Variants in SGCZ observed in about 807,000 individuals in gnomAD.
The protein encoded by SGCZ is zeta-sarcoglycan.
In SGCZ, 40 loss-of-function variants were observed where a neutral mutation model predicts 41.3. That is an observed-to-expected ratio of 0.97 (90% confidence interval 0.75 to 1.26). SGCZ has a LOEUF of 1.26. Ranked by LOEUF, SGCZ falls within the 50% of genes most tolerant of loss-of-function variation. The pLI, the probability that SGCZ is intolerant of heterozygous loss-of-function variation, is 0.00. For missense variants in SGCZ, 552 were observed against 369.8 expected, an observed-to-expected ratio of 1.49 and a Z score of -4.04; for synonymous variants, 206 against 137.5, an observed-to-expected ratio of 1.50 and a Z score of -3.49.
chr8:15,122,345 AC>A (rs1382536842), intron 1 of SGCZ, among the ~76,000 whole-genome samples: 1 of 152,148 alleles, frequency 6.6e-6, no homozygotes, highest in Non-Finnish European at 1.5e-5. Context: ...AGACTTAGAA[AC>A]AGTGCAATTT....
At chr8:14,689,833 T>C (rs1406294874) in intron 1 of SGCZ, among the ~76,000 whole-genome samples, 5 of 152,130 alleles carry the variant, frequency 3.3e-5, no homozygotes, top group Non-Finnish European at 5.9e-5. Flanking sequence ...CCTGGCTTTG[T>C]TAGATTGAGC....
At chr8:15,138,856 G>C (rs935489600) in intron 1 of SGCZ, among the ~76,000 whole-genome samples, 1 of 152,128 alleles carries the variant, frequency 6.6e-6, no homozygotes, top group Non-Finnish European at 1.5e-5. Flanking sequence ...CCAAAAGGAA[G>C]ACTTGCTGAA....
At chr8:14,556,224 A>T (rs1041227295) in intron 1 of SGCZ, among the ~76,000 whole-genome samples, 13 of 151,824 alleles carry the variant, frequency 8.6e-5, no homozygotes, top group Non-Finnish European at 1.5e-4. Context: ...CTATAAGACA[A>T]TAATTGTTCA....
intron 1 of SGCZ, among the ~76,000 whole-genome samples, chr8:14,612,113 G>A (rs1050901358): frequency 1.3e-5 from 2 of 152,186 alleles, no homozygotes; most frequent in Non-Finnish European, 2.9e-5. Flanking sequence ...ATGCAAAAGT[G>A]AGGCTTTTCT....
intron 2 of SGCZ, among the ~76,000 whole-genome samples, chr8:14,442,869 G>A (rs1190661980): frequency 6.6e-6 from 1 of 151,992 alleles, no homozygotes; most frequent in South Asian, 2.1e-4. Flanking sequence ...TAATCTTAAT[G>A]AAGCCTGTTT....
At chr8:14,637,869 G>C (rs1383165600) in intron 1 of SGCZ, among the ~76,000 whole-genome samples, 1 of 151,782 alleles carries the variant, frequency 6.6e-6, no homozygotes, top group African/African-American at 2.4e-5. Context: ...TGGTAGCTTT[G>C]TTTTAAGTCC....
At chr8:14,236,292 A>G (rs1050347948) in intron 4 of SGCZ, among the ~76,000 whole-genome samples, 3 of 152,166 alleles carry the variant, frequency 2.0e-5, no homozygotes, top group African/African-American at 7.2e-5. Context: ...CTATATCTCT[A>G]ATTATCACAA....
intron 3 of SGCZ, among the ~76,000 whole-genome samples, chr8:14,323,544 A>G (rs1388503705): frequency 6.6e-6 from 1 of 152,116 alleles, no homozygotes; most frequent in African/African-American, 2.4e-5. Context: ...AATCTAAGCT[A>G]CAATCTTAAT....
At chr8:14,405,132 A>G (rs914307008) in intron 2 of SGCZ, among the ~76,000 whole-genome samples, 2 of 152,160 alleles carry the variant, frequency 1.3e-5, no homozygotes, top group Non-Finnish European at 2.9e-5. Flanking sequence ...GCTGACTGTG[A>G]GTGTTCACTT....
intron 1 of SGCZ, among the ~76,000 whole-genome samples, chr8:14,696,961 GT>G (rs560133680): frequency 1.4e-3 from 175 of 123,166 alleles, no homozygotes; most frequent in African/African-American, 7.4e-3. Context: ...TGTTGATAAA[GT>G]TAAAAAAAAA....
chr8:14,970,800 T>C (rs1801267121), intron 1 of SGCZ, among the ~76,000 whole-genome samples: 1 of 152,284 alleles, frequency 6.6e-6, no homozygotes, highest in East Asian at 1.9e-4. Context: ...CATTTCTATA[T>C]GAATTTGTGT....
chr8:14,283,416 C>T (rs1800517234), intron 3 of SGCZ, among the ~76,000 whole-genome samples: 1 of 152,128 alleles, frequency 6.6e-6, no homozygotes, highest in African/African-American at 2.4e-5. Flanking sequence ...TAATGTTTCT[C>T]GTTCAACAAA....
intron 1 of SGCZ, among the ~76,000 whole-genome samples, chr8:14,995,206 T>C (rs1350816727): frequency 6.6e-6 from 1 of 152,260 alleles, no homozygotes; most frequent in Non-Finnish European, 1.5e-5. Context: ...TTTGGTTTTA[T>C]TTCTGCTTTG....
At chr8:14,761,998 G>A (rs1344823628) in intron 1 of SGCZ, among the ~76,000 whole-genome samples, 2 of 152,084 alleles carry the variant, frequency 1.3e-5, no homozygotes, top group Non-Finnish European at 2.9e-5. Context: ...TCAGTAAACT[G>A]AACTACACAA....
chr8:15,003,741 C>T (rs957175814), intron 1 of SGCZ, among the ~76,000 whole-genome samples: 2 of 152,082 alleles, frequency 1.3e-5, no homozygotes, highest in Non-Finnish European at 2.9e-5. Context: ...CTCCAACTTC[C>T]AGAGTGGTTC....
chr8:15,132,044 A>G (rs981284914), intron 1 of SGCZ, among the ~76,000 whole-genome samples: 6 of 152,224 alleles, frequency 3.9e-5, no homozygotes, highest in South Asian at 4.1e-4. Context: ...AATTCTTTCA[A>G]TGCATTGGTG....
chr8:14,133,759 T>TA (rs1803112691), intron 5 of SGCZ, among the ~76,000 whole-genome samples: 1 of 152,238 alleles, frequency 6.6e-6, no homozygotes, highest in Non-Finnish European at 1.5e-5. Flanking sequence ...GCTTTTTTTT[T>TA]AATGCTTCTT....
In SGCZ at chr8:15,237,946, T is replaced by C; in HGVS notation, c.-323A>G. Reference sequence around the variant, plus strand: ...AATCCACTCTATTTAAGATTATTTCTTCTTCTGCAATAAGCTTAGAACCCA... The same window carrying C: ...AATCCACTCTATTTAAGATTATTTCCTCTTCTGCAATAAGCTTAGAACCCA... On this transcript the variant is annotated 5_prime_UTR_variant, in exon 1 of 8. Transcript: ENST00000382080. 3.7e-6 allele frequency: 1 copy of C among 270,642 alleles called. No homozygotes were observed. The highest frequency in any genetic ancestry group is 7.0e-6 in the Non-Finnish European group (1 of 141,846). 16.8% of individuals were successfully genotyped at this position (270,642 alleles called of 1,614,324 possible). A position where few individuals can be genotyped will look rare whatever the true frequency, so the allele number is the denominator to read the frequency against.
Position 14,432,742 on chromosome 8 carries a change from T to G in SGCZ, c.235-108538A>C, listed in dbSNP as rs546181344. 3.3e-5 allele frequency among the ~76,000 whole-genome samples: 5 copies of G among 151,970 alleles called. No homozygotes were observed. The East Asian group carries it at 5.8e-4, about 18-fold the overall frequency. On this transcript the variant is annotated intron_variant, in intron 2 of 7. Transcript: ENST00000382080. ...CAGCCTGGCCAACGTGGTGAAACTC[T>G]ATTTCTGCTAAAAATACAAAAATTA...
Sources: allele counts gnomAD v4.1 joint callset (sites outside exome capture counted in the v4.1 genomes callset), GRCh38; gene constraint gnomAD v4.1.1; transcripts MANE v1.5; gene names NCBI Gene and HGNC (gene_info 2026-07-23, HGNC 2026-07-21).